The following CSMD1 variants were observed in gnomAD, a reference collection of about 807,000 sequenced individuals.
The protein encoded by CSMD1 is CUB and Sushi multiple domains 1, also known as CUB and sushi domain-containing protein 1.
In CSMD1, 213 loss-of-function variants were observed where a neutral mutation model predicts 417.5. The observed-to-expected ratio is 0.51, with a 90% confidence interval of 0.46 to 0.57. The LOEUF (loss-of-function observed/expected upper bound fraction) is 0.57. Among genes scored for constraint, CSMD1 ranks in the 20% least tolerant of loss-of-function variants. The pLI is 0.00. For synonymous variants in CSMD1, 2,862 were observed against 1,736.8 expected (o/e 1.65, Z -16.11); for missense variants, 6,923 against 4,529.7 (o/e 1.53, Z -15.17).
intron 10 of CSMD1, among the ~76,000 whole-genome samples, chr8:3,530,078 T>C (rs926417447): frequency 3.9e-5 from 6 of 152,306 alleles, no homozygotes; most frequent in Middle Eastern, 3.4e-3. Flanking sequence ...ATTTTCATAA[T>C]CCATGACACT....
intron 7 of CSMD1, among the ~76,000 whole-genome samples, chr8:3,636,366 T>C (rs1797047159): frequency 6.6e-6 from 1 of 152,158 alleles, no homozygotes; most frequent in South Asian, 2.1e-4. Context: ...TTAGTAGAGA[T>C]GAGGGTTCTC....
intron 1 of CSMD1, among the ~76,000 whole-genome samples, chr8:4,778,177 A>G (rs1479069178): frequency 6.6e-6 from 1 of 152,176 alleles, no homozygotes; most frequent in Non-Finnish European, 1.5e-5. Context: ...TATGTCATAA[A>G]ATTTTCCATT....
intron 3 of CSMD1, among the ~76,000 whole-genome samples, chr8:4,256,133 G>T (rs1281700841): frequency 2.0e-5 from 3 of 152,190 alleles, no homozygotes; most frequent in Non-Finnish European, 2.9e-5. Context: ...TTTCTGAGCA[G>T]TACTAATCAC....
At chr8:3,227,049 C>A (rs113632415) in intron 27 of CSMD1, among the ~76,000 whole-genome samples, 1 of 151,974 alleles carries the variant, frequency 6.6e-6, no homozygotes, top group African/African-American at 2.4e-5. Context: ...TCAGAGAAAA[C>A]ATTAATAAAT....
chr8:3,740,479 CCTT>C (rs1371645433), intron 6 of CSMD1, among the ~76,000 whole-genome samples: 1 of 152,182 alleles, frequency 6.6e-6, no homozygotes, highest in African/African-American at 2.4e-5. Flanking sequence ...TGGGAGCCAT[CCTT>C]CTGCGGTAAA....
chr8:4,735,786 G>A (rs974298843), intron 1 of CSMD1, among the ~76,000 whole-genome samples: 2 of 152,112 alleles, frequency 1.3e-5, no homozygotes, highest in African/African-American at 4.8e-5. Context: ...TTGAATTTTA[G>A]AGGAATTTTT....
chr8:4,806,885 C>T (rs1220950275), intron 1 of CSMD1, among the ~76,000 whole-genome samples: 1 of 152,110 alleles, frequency 6.6e-6, no homozygotes, highest in African/African-American at 2.4e-5. Context: ...ATGGTCTTAC[C>T]CTTCCTAGGA....
intron 5 of CSMD1, among the ~76,000 whole-genome samples, chr8:3,795,111 T>TATAGATAGCTATCATGTATAGCTATAG (rs1268937645): frequency 1.8e-5 from 1 of 55,888 alleles, no homozygotes; most frequent in African/African-American, 5.6e-5. Flanking sequence ...CATGTACAGC[T>TATAGATAGCTATCATGTATAGCTATAG]ATAGATATCT....
At chr8:3,041,761 A>G (rs1198022620) in intron 50 of CSMD1, among the ~76,000 whole-genome samples, 1 of 152,196 alleles carries the variant, frequency 6.6e-6, no homozygotes, top group Non-Finnish European at 1.5e-5. Flanking sequence ...TTCATAGTTC[A>G]ACACAGCACA....
At chr8:4,834,485 G>A (rs982235475) in intron 1 of CSMD1, among the ~76,000 whole-genome samples, 3 of 152,178 alleles carry the variant, frequency 2.0e-5, no homozygotes, top group Non-Finnish European at 4.4e-5. Flanking sequence ...GGCAGGCAGT[G>A]AAGTTCGAGC....
chr8:3,506,606 C>CA (rs1301344280), intron 10 of CSMD1, among the ~76,000 whole-genome samples: 3 of 152,016 alleles, frequency 2.0e-5, no homozygotes, highest in Non-Finnish European at 4.4e-5. Context: ...CTATGTCTCC[C>CA]AAAAAAGCAT....
intron 5 of CSMD1, among the ~76,000 whole-genome samples, chr8:3,858,414 T>G (rs942123352): frequency 2.0e-5 from 3 of 152,184 alleles, no homozygotes; most frequent in African/African-American, 7.2e-5. Flanking sequence ...TTTCTTACCT[T>G]TTAAATCAGT....
chr8:3,967,883 A>G lies in CSMD1; in HGVS notation c.818+30020T>C, dbSNP rs151176146. 4.3e-3 allele frequency among the ~76,000 whole-genome samples: 659 copies of G among 151,972 alleles called. 7 individuals are homozygous for G. The highest frequency in any genetic ancestry group is 0.015 in the African/African-American group (630 of 41,458). On this transcript the variant is annotated intron_variant, in intron 5 of 69. Coordinates refer to ENST00000635120, the MANE Select transcript of CSMD1 (RefSeq NM_033225.6). ...CTTGCTCGCTTAAGAATGTGCCACA[A>G]TTGGCCGGGCGCAGTGGCTCACACG...
intron 23 of CSMD1, among the ~76,000 whole-genome samples, chr8:3,339,477 C>T (rs565307383): frequency 1.2e-4 from 18 of 152,270 alleles, no homozygotes; most frequent in East Asian, 3.9e-4. Flanking sequence ...CTGGTTCCAT[C>T]GGTGTACCCA....
chr8:3,179,129 T>TAG lies in CSMD1; in HGVS notation c.5725+1979_5725+1980dup, dbSNP rs1821135845. Among the ~76,000 whole-genome samples, 8 of 151,278 alleles carry TAG rather than the reference T, an allele frequency of 5.3e-5. 1 individual carries two copies. In the South Asian group the frequency reaches 1.7e-3, roughly 32 times the overall value. ...CCTGGCTAATTCTTTGTATTTTTAG[T>TAG]AGATACGGGGTTTCAACGTGTTAGC... is the stretch of plus-strand genomic sequence containing the variant. On this transcript the variant is annotated intron_variant, in intron 37 of 69. Coordinates refer to ENST00000635120, the MANE Select transcript of CSMD1 (RefSeq NM_033225.6).
chr8:4,661,765 A>T (rs952082789), intron 1 of CSMD1, among the ~76,000 whole-genome samples: 1 of 152,204 alleles, frequency 6.6e-6, no homozygotes, highest in South Asian at 2.1e-4. Flanking sequence ...TTTTTATAAG[A>T]CCATTAAATC....
intron 7 of CSMD1, among the ~76,000 whole-genome samples, chr8:3,687,775 G>A (rs539707410): frequency 4.4e-4 from 67 of 152,248 alleles, no homozygotes; most frequent in Middle Eastern, 3.4e-3. Flanking sequence ...AGTCTGGCCT[G>A]TAAAAACACT....
intron 3 of CSMD1, among the ~76,000 whole-genome samples, chr8:4,260,961 CTCAT>C (rs532077173): frequency 2.0e-3 from 312 of 152,262 alleles, no homozygotes; most frequent in African/African-American, 7.1e-3. Context: ...TACCTTTACT[CTCAT>C]TGACTTGCCT....
chr8:4,160,133 A>T (rs1452684636), intron 3 of CSMD1, among the ~76,000 whole-genome samples: 1 of 152,136 alleles, frequency 6.6e-6, no homozygotes, highest in Non-Finnish European at 1.5e-5. Flanking sequence ...TAACGTCTTA[A>T]TTCCAAGTAT....
Sources: allele counts gnomAD v4.1 joint callset (sites outside exome capture counted in the v4.1 genomes callset), GRCh38; gene constraint gnomAD v4.1.1; transcripts MANE v1.5; gene names NCBI Gene and HGNC (gene_info 2026-07-23, HGNC 2026-07-21).